Variants in FARS2 observed in about 807,000 individuals in gnomAD.
FARS2 encodes phenylalanine--tRNA ligase, mitochondrial.
In FARS2, 40 loss-of-function variants were observed where a neutral mutation model predicts 46.4. That is an observed-to-expected ratio of 0.86 (90% confidence interval 0.67 to 1.12). The LOEUF is 1.12. Among genes scored for constraint, FARS2 ranks in the 50% most tolerant of loss-of-function variants. The pLI, the probability that FARS2 is intolerant of heterozygous loss-of-function variation, is 0.00. For missense variants in FARS2, 513 were observed against 567.9 expected, an observed-to-expected ratio of 0.90 and a Z score of 0.98; for synonymous variants, 234 against 214.9, an observed-to-expected ratio of 1.09 and a Z score of -0.78.
chr6:5,414,794 A>G (rs1762125419), intron 3 of FARS2, among the ~76,000 whole-genome samples: 1 of 143,840 alleles, frequency 7.0e-6, no homozygotes, highest in Non-Finnish European at 1.5e-5. Context: ...GAATGGCTGC[A>G]TGGTAGGTAT....
intron 6 of FARS2, among the ~76,000 whole-genome samples, chr6:5,670,060 G>C (rs531945702): frequency 6.6e-6 from 1 of 151,912 alleles, no homozygotes; most frequent in Non-Finnish European, 1.5e-5. Context: ...ATTTTCTTTC[G>C]TAGGCCTCCT....
the FARS2 span, among the ~76,000 whole-genome samples, chr6:5,252,362 A>C: frequency 6.6e-6 from 1 of 152,076 alleles, no homozygotes; most frequent in Non-Finnish European, 1.5e-5. Flanking sequence ...TCTATGCCTC[A>C]CTCTGCCTTG....
chr6:5,341,240 T>A (rs1488009577), intron 1 of FARS2, among the ~76,000 whole-genome samples: 2 of 51,940 alleles, frequency 3.9e-5, no homozygotes, highest in Non-Finnish European at 6.9e-5. Flanking sequence ...TATATATTTT[T>A]TTTTTTTTTT....
chr6:5,679,035 A>G (rs919531768), intron 6 of FARS2, among the ~76,000 whole-genome samples: 1 of 152,176 alleles, frequency 6.6e-6, no homozygotes, highest in African/African-American at 2.4e-5. Context: ...TCTGAAACAC[A>G]TTGATTTGTG....
intron 6 of FARS2, among the ~76,000 whole-genome samples, chr6:5,754,361 A>G (rs541406279): frequency 6.6e-6 from 1 of 152,326 alleles, no homozygotes; most frequent in East Asian, 1.9e-4. Flanking sequence ...AGGACAGGAG[A>G]TCAGCTCTCC....
intron 4 of FARS2, among the ~76,000 whole-genome samples, chr6:5,530,531 A>G (rs1016116910): frequency 2.6e-5 from 4 of 151,934 alleles, no homozygotes; most frequent in African/African-American, 9.7e-5. Context: ...TGATAACTGT[A>G]CTATGGATAT....
At chr6:5,456,233 A>C (rs1404037006) in intron 4 of FARS2, among the ~76,000 whole-genome samples, 1 of 150,714 alleles carries the variant, frequency 6.6e-6, no homozygotes, top group Non-Finnish European at 1.5e-5. Flanking sequence ...CAAAAAGCAA[A>C]AAATAAACAA....
At chr6:5,467,171 A>G in intron 4 of FARS2, 1 of 690,444 alleles carries the variant, frequency 1.4e-6, no homozygotes, top group Non-Finnish European at 1.8e-6. Flanking sequence ...TGTGGTTTAC[A>G]TTTTTTGACT....
At chr6:5,661,668 G>C (rs1180920277) in intron 6 of FARS2, among the ~76,000 whole-genome samples, 1 of 152,178 alleles carries the variant, frequency 6.6e-6, no homozygotes, top group Non-Finnish European at 1.5e-5. Context: ...AGGGGTCACT[G>C]GTGACTGTGG....
intron 1 of FARS2, among the ~76,000 whole-genome samples, chr6:5,341,216 TATATATATATATATATATA>T (rs1561969904): frequency 0.095 from 654 of 6,852 alleles, 16 homozygotes; most frequent in East Asian, 0.29. Context: ...TATATATATA[TATATATATATATATATATA>T]TTTTTTTTTT....
chr6:5,360,816 T>A (rs1000192933), intron 1 of FARS2, among the ~76,000 whole-genome samples: 7 of 152,292 alleles, frequency 4.6e-5, no homozygotes, highest in African/African-American at 1.7e-4. Flanking sequence ...GTTTAAAATT[T>A]ATGATGTTAT....
At chr6:5,378,848 A>C (rs1382709119) in intron 2 of FARS2, among the ~76,000 whole-genome samples, 1 of 152,208 alleles carries the variant, frequency 6.6e-6, no homozygotes, top group Non-Finnish European at 1.5e-5. Flanking sequence ...TTGACAGTTA[A>C]GTGAGAGGCA....
chr6:5,675,538 G>T (rs1326452598), intron 6 of FARS2, among the ~76,000 whole-genome samples: 2 of 152,196 alleles, frequency 1.3e-5, no homozygotes, highest in African/African-American at 2.4e-5. Flanking sequence ...ACCCAATACA[G>T]TGTTAAAAAG....
At chr6:5,463,527 A>G (rs920375152) in intron 4 of FARS2, among the ~76,000 whole-genome samples, 2 of 152,192 alleles carry the variant, frequency 1.3e-5, no homozygotes, top group Non-Finnish European at 2.9e-5. Context: ...TCGTCTTTGT[A>G]AGGAAGGAGA....
At chr6:5,546,293 G>A (rs540898808) in intron 5 of FARS2, among the ~76,000 whole-genome samples, 1 of 134,538 alleles carries the variant, frequency 7.4e-6, no homozygotes, top group South Asian at 2.3e-4. Flanking sequence ...ATCTCACTCT[G>A]TCGCCTGGGC....
intron 6 of FARS2, among the ~76,000 whole-genome samples, chr6:5,715,121 C>T (rs536517122): frequency 6.6e-6 from 1 of 152,302 alleles, no homozygotes; most frequent in African/African-American, 2.4e-5. Context: ...TCATTTAACT[C>T]GTGCACGCCC....
intron 1 of FARS2, among the ~76,000 whole-genome samples, chr6:5,354,595 G>A (rs938874028): frequency 6.6e-6 from 1 of 150,870 alleles, no homozygotes; most frequent in African/African-American, 2.4e-5. Context: ...CTCGCTGCAA[G>A]CTCCGCCTCC....
rs948390159 is a variant in FARS2 at position 5,770,669 on chromosome 6, C to T, written c.1218-622C>T. On this transcript the variant is annotated intron_variant, in intron 6 of 6. Coordinates refer to ENST00000274680, the MANE Select transcript of FARS2 (RefSeq NM_006567.5). ...GAAGGCCCTACTGCTGTCATCTCCA[C>T]GTATTCCAGAATTACTCAGCTGTTC... Among the ~76,000 whole-genome samples, 5 of 152,314 alleles carry T rather than the reference C, an allele frequency of 3.3e-5. No homozygotes were observed. The South Asian group carries it at 6.2e-4, about 19-fold the overall frequency.
intron 2 of FARS2, among the ~76,000 whole-genome samples, chr6:5,394,963 T>C (rs1760808210): frequency 2.0e-5 from 3 of 152,086 alleles, no homozygotes; most frequent in Admixed American, 6.5e-5. Context: ...TGTAGGCCTC[T>C]CTCTTTTTTT....
Sources: allele counts gnomAD v4.1 joint callset (sites outside exome capture counted in the v4.1 genomes callset), GRCh38; gene constraint gnomAD v4.1.1; transcripts MANE v1.5; gene names NCBI Gene and HGNC (gene_info 2026-07-23, HGNC 2026-07-21).